Variants in INO80D observed in about 807,000 individuals in gnomAD.
INO80D encodes INO80 complex subunit D.
A neutral mutation model predicts 87.6 loss-of-function variants in INO80D; 21 were observed. That is an observed-to-expected ratio of 0.24 (90% confidence interval 0.17 to 0.35). INO80D has a LOEUF of 0.35. INO80D is among the 10% of genes least tolerant of loss of function. The pLI, the probability that INO80D is intolerant of heterozygous loss-of-function variation, is 1.00. For synonymous variants in INO80D, 440 were observed against 491.0 expected, an observed-to-expected ratio of 0.90 and a Z score of 1.37; for missense variants, 982 against 1,280.7, an observed-to-expected ratio of 0.77 and a Z score of 3.56.
At chr2:206,072,698 T>G (rs1364989626) in intron 1 of INO80D, among the ~76,000 whole-genome samples, 2 of 152,210 alleles carry the variant, frequency 1.3e-5, no homozygotes, top group African/African-American at 4.8e-5. Flanking sequence ...ATCTCAGTAC[T>G]TGCTATCATT....
At chr2:206,067,437 G>A (rs1388389935) in intron 1 of INO80D, among the ~76,000 whole-genome samples, 1 of 152,022 alleles carries the variant, frequency 6.6e-6, no homozygotes, top group Non-Finnish European at 1.5e-5. Context: ...TTATTATACA[G>A]TTTTGAATAG....
At chr2:206,053,151 C>T (rs1241297012) in intron 4 of INO80D, among the ~76,000 whole-genome samples, 5 of 151,744 alleles carry the variant, frequency 3.3e-5, no homozygotes, top group Admixed American at 1.3e-4. Context: ...TTGGAATCGG[C>T]AATTCCACTT....
chr2:206,041,708 C>T lies in INO80D; in HGVS notation c.1073+4796G>A, dbSNP rs1167167851. 2.6e-5 allele frequency among the ~76,000 whole-genome samples: 4 copies of T among 152,318 alleles called. No individual in the cohort carries two copies. In the East Asian group the frequency reaches 7.7e-4, roughly 29 times the overall value. On this transcript the variant is annotated intron_variant, in intron 5 of 10. Coordinates refer to ENST00000403263, the MANE Select transcript of INO80D (RefSeq NM_017759.5). ...CTATTAACCAACTTGACCTAATTTACATTTATAGAATACTATATTCAAATG... is the reference window on the plus strand; with the variant it reads ...CTATTAACCAACTTGACCTAATTTATATTTATAGAATACTATATTCAAATG...
intron 10 of INO80D, among the ~76,000 whole-genome samples, chr2:206,006,666 G>A (rs1230814372): frequency 1.4e-5 from 2 of 146,860 alleles, no homozygotes; most frequent in Non-Finnish European, 3.0e-5. Context: ...CTGAGCGACA[G>A]AGCGAGACTC....
intron 6 of INO80D, chr2:206,025,540 A>ATATATATATATATATAT (rs1553616172): frequency 1.6e-5 from 1 of 63,286 alleles, no homozygotes; most frequent in African/African-American, 4.4e-5. Flanking sequence ...AAAAAAAAAA[A>ATATATATATATATATAT]AAATATATAT....
Position 206,063,264 on chromosome 2 carries a change from C to T in INO80D, c.-123-20G>A. The T allele has an allele frequency of 1.9e-6, 1 of 534,756 alleles. No homozygotes were observed. The highest frequency in any genetic ancestry group is 3.2e-6 in the Non-Finnish European group (1 of 310,470). The allele number at this position is 534,756 out of a possible 1,614,324, so 33.1% of individuals were successfully genotyped here. ...GATTGTCTATAAAAATATCAAAAGG[C>T]CTAGTTAACAAACAGAAATAAGCAA... is the stretch of plus-strand genomic sequence containing the variant. On this transcript the variant is annotated intron_variant, in intron 1 of 10. Transcript: ENST00000403263.
intron 8 of INO80D, among the ~76,000 whole-genome samples, chr2:206,015,777 C>A (rs1688301556): frequency 6.6e-6 from 1 of 152,098 alleles, no homozygotes; most frequent in Admixed American, 6.5e-5. Flanking sequence ...ATCCCAGCTA[C>A]TTGGGAGGCT....
chr2:206,027,565 A>G (rs1447587668), intron 6 of INO80D, among the ~76,000 whole-genome samples: 2 of 152,056 alleles, frequency 1.3e-5, no homozygotes, highest in Non-Finnish European at 2.9e-5. Flanking sequence ...TTAGCTGGGT[A>G]TGGTTTCACA....
chr2:206,034,597 T>A (rs538530880), intron 5 of INO80D, among the ~76,000 whole-genome samples: 52 of 152,048 alleles, frequency 3.4e-4, no homozygotes, highest in Admixed American at 1.2e-3. Context: ...CATACCTCAA[T>A]ATAATAAAAG....
At chr2:206,048,579 A>T (rs908960882) in intron 4 of INO80D, among the ~76,000 whole-genome samples, 2 of 152,144 alleles carry the variant, frequency 1.3e-5, no homozygotes, top group African/African-American at 4.8e-5. Context: ...CTCCTGCCAT[A>T]AAAGTTTTAC....
At chr2:206,050,877 G>A (rs1689343203) in intron 4 of INO80D, among the ~76,000 whole-genome samples, 1 of 151,962 alleles carries the variant, frequency 6.6e-6, no homozygotes, top group South Asian at 2.1e-4. Context: ...GCTGAAGCAG[G>A]AGAATGGCGT....
chr2:206,019,169 CAATA>C (rs1688395196), intron 7 of INO80D, among the ~76,000 whole-genome samples: 1 of 152,162 alleles, frequency 6.6e-6, no homozygotes, highest in Admixed American at 6.5e-5. Flanking sequence ...TTTAAATACT[CAATA>C]AAAGTCACAG....
chr2:206,078,061 CAAAAAAA>C (rs71410859), intron 1 of INO80D, among the ~76,000 whole-genome samples: 15 of 63,058 alleles, frequency 2.4e-4, no homozygotes, highest in South Asian at 8.9e-4. Context: ...GCAATGTTTA[CAAAAAAA>C]AAAAAAAAAA....
chr2:206,006,952 C>A (rs372187265), intron 10 of INO80D, among the ~76,000 whole-genome samples: 1 of 152,198 alleles, frequency 6.6e-6, no homozygotes, highest in Admixed American at 6.5e-5. Context: ...GAGGCCGAGG[C>A]GAAAGAATCG....
Position 205,996,354 on chromosome 2 carries a change from GACTGACCA to G in INO80D, c.*8006_*8013del, listed in dbSNP as rs1464527890. On this transcript the variant is annotated 3_prime_UTR_variant, in exon 11 of 11. Coordinates refer to ENST00000403263, the MANE Select transcript of INO80D (RefSeq NM_017759.5). ...TTTTTTTTTTTTTTAAGTGATGAAA[GACTGACCA>G]GTAGAAGGTGGTGAAGATGAAGAAT... 1.3e-5 allele frequency: 2 copies of G among 149,066 alleles called. No individual in the cohort carries two copies. Among genetic ancestry groups the G allele is most frequent in the Non-Finnish European group, 3.0e-5 (2 of 67,466 alleles). 9.2% of individuals were successfully genotyped at this position (149,066 alleles called of 1,614,324 possible).
intron 1 of INO80D, among the ~76,000 whole-genome samples, chr2:206,072,299 CAG>C (rs1225394511): frequency 6.6e-6 from 1 of 151,530 alleles, no homozygotes; most frequent in East Asian, 1.9e-4. Context: ...TTTTTTGAGA[CAG>C]AGTCTCGCTC....
chr2:206,072,383 T>C (rs1000958371), intron 1 of INO80D, among the ~76,000 whole-genome samples: 2 of 151,860 alleles, frequency 1.3e-5, no homozygotes, highest in Non-Finnish European at 2.9e-5. Context: ...TCAAGCCATT[T>C]TCCTGCCTCA....
At chr2:206,023,958 C>T (rs1445334305) in intron 6 of INO80D, among the ~76,000 whole-genome samples, 4 of 152,128 alleles carry the variant, frequency 2.6e-5, no homozygotes, top group Non-Finnish European at 4.4e-5. Context: ...CAGTTTTCCA[C>T]ACAAATACCA....
At chr2:206,061,307 A>C (rs1207706957) in intron 3 of INO80D, among the ~76,000 whole-genome samples, 1 of 152,194 alleles carries the variant, frequency 6.6e-6, no homozygotes, top group Non-Finnish European at 1.5e-5. Flanking sequence ...CATCACACCC[A>C]GTCCTTGCTG....
Sources: gnomAD v4.1 joint callset for allele counts (sites outside exome capture counted in the v4.1 genomes callset) on GRCh38, gnomAD v4.1.1 for gene constraint, MANE v1.5 for transcripts, NCBI Gene and HGNC (gene_info 2026-07-23, HGNC 2026-07-21) for gene names.